The following PARD3 variants were observed in gnomAD, a reference collection of about 807,000 sequenced individuals.
PARD3 encodes par-3 family cell polarity regulator.
PARD3 carries 75 observed loss-of-function variants against 155.4 expected under a neutral mutation model. The observed-to-expected ratio is 0.48, with a 90% CI of 0.40 to 0.58. PARD3 has a LOEUF of 0.58. Ranked by LOEUF, PARD3 falls within the 20% of genes least tolerant of loss-of-function variation. The probability of loss-of-function intolerance (pLI) is 0.00; values close to 1 mark genes in which losing one functional copy is unlikely to be tolerated. For synonymous variants in PARD3, 576 were observed against 610.5 expected (o/e 0.94, Z 0.83); for missense variants, 1,642 against 1,721.7 (o/e 0.95, Z 0.82).
intron 2 of PARD3, among the ~76,000 whole-genome samples, chr10:34,600,946 C>A (rs903641198): frequency 6.6e-6 from 1 of 150,396 alleles, no homozygotes; most frequent in East Asian, 2.0e-4. Context: ...TGCCACCATG[C>A]CCGCCCATTT....
chr10:34,162,382 AAATT>A (rs1165074195), intron 22 of PARD3, among the ~76,000 whole-genome samples: 1 of 152,140 alleles, frequency 6.6e-6, no homozygotes, highest in Admixed American at 6.5e-5. Context: ...TTTGTTTAAT[AAATT>A]CTATTCCACT....
intron 22 of PARD3, among the ~76,000 whole-genome samples, chr10:34,163,758 T>C (rs1244793483): frequency 6.6e-6 from 1 of 152,212 alleles, no homozygotes; most frequent in Non-Finnish European, 1.5e-5. Flanking sequence ...TGTGATCTGC[T>C]CACGCACCGT....
At chr10:34,385,580 T>A (rs1842273139) in intron 7 of PARD3, among the ~76,000 whole-genome samples, 1 of 152,230 alleles carries the variant, frequency 6.6e-6, no homozygotes, top group African/African-American at 2.4e-5. Flanking sequence ...GAATCCAGTA[T>A]AAATTAAAAT....
intron 5 of PARD3, among the ~76,000 whole-genome samples, chr10:34,431,411 G>A (rs993198270): frequency 6.6e-6 from 1 of 152,132 alleles, no homozygotes; most frequent in Non-Finnish European, 1.5e-5. Context: ...GGTAGGAGAT[G>A]ATGCCTAAAA....
At chr10:34,695,537 C>G (rs1192069390) in intron 2 of PARD3, among the ~76,000 whole-genome samples, 2 of 151,196 alleles carry the variant, frequency 1.3e-5, no homozygotes, top group Non-Finnish European at 2.9e-5. Context: ...CATCCTGTCA[C>G]GCATTCTCAA....
intron 19 of PARD3, among the ~76,000 whole-genome samples, chr10:34,319,324 T>A (rs149090718): frequency 6.6e-6 from 1 of 151,372 alleles, no homozygotes; most frequent in Non-Finnish European, 1.5e-5. Context: ...CTTGACCTCA[T>A]GATCCACCAG....
At chr10:34,507,180 G>A (rs186981750) in intron 3 of PARD3, among the ~76,000 whole-genome samples, 9 of 152,234 alleles carry the variant, frequency 5.9e-5, no homozygotes, top group South Asian at 4.1e-4. Context: ...CCAAAACTAC[G>A]GGAGAATATG....
At chr10:34,469,998 A>G (rs1006689177) in intron 4 of PARD3, 87 bp downstream of exon 4, 4 of 1,100,810 alleles carry the variant, frequency 3.6e-6, no homozygotes, top group Middle Eastern at 3.1e-4. Context: ...CTGGAATCCA[A>G]TGGTTTACCC....
intron 22 of PARD3, among the ~76,000 whole-genome samples, chr10:34,196,252 T>G (rs927860183): frequency 5.9e-5 from 9 of 152,218 alleles, no homozygotes; most frequent in Non-Finnish European, 1.3e-4. Context: ...ACATCTCCAC[T>G]TTGTGACATA....
chr10:34,171,988 AG>A (rs1389714654), intron 22 of PARD3, among the ~76,000 whole-genome samples: 2 of 144,520 alleles, frequency 1.4e-5, no homozygotes, highest in Non-Finnish European at 3.0e-5. Flanking sequence ...AAAAAAATTC[AG>A]AGTCCTCAAC....
chr10:34,664,408 G>A (rs953434071), intron 2 of PARD3, among the ~76,000 whole-genome samples: 4 of 152,030 alleles, frequency 2.6e-5, no homozygotes, highest in Non-Finnish European at 5.9e-5. Context: ...TCACCATGTT[G>A]GTCAGGCTGG....
intron 11 of PARD3, among the ~76,000 whole-genome samples, chr10:34,373,007 T>A (rs1840848855): frequency 6.6e-6 from 1 of 151,980 alleles, no homozygotes; most frequent in Non-Finnish European, 1.5e-5. Context: ...TTTCCTATAA[T>A]GTTGATTTGC....
intron 3 of PARD3, among the ~76,000 whole-genome samples, chr10:34,482,532 G>A (rs1057301751): frequency 6.6e-6 from 1 of 151,038 alleles, no homozygotes; most frequent in Middle Eastern, 3.4e-3. Context: ...GACTGGCTCA[G>A]GACAGGTAAA....
At chr10:34,524,298 G>A (rs544583594) in intron 2 of PARD3, among the ~76,000 whole-genome samples, 3 of 152,112 alleles carry the variant, frequency 2.0e-5, no homozygotes, top group Admixed American at 6.5e-5. Context: ...AGACCTGTCC[G>A]ACAAGAGCTA....
chr10:34,721,811 C>T (rs1050986937), intron 1 of PARD3, among the ~76,000 whole-genome samples: 1 of 152,178 alleles, frequency 6.6e-6, no homozygotes. Flanking sequence ...TGGGGTTACA[C>T]CAATACCTTC....
chr10:34,116,079 G>A (rs191154143), intron 24 of PARD3, among the ~76,000 whole-genome samples: 210 of 152,312 alleles, frequency 1.4e-3, no homozygotes, highest in Middle Eastern at 0.014. Flanking sequence ...TTCTGATTGA[G>A]AACTGAGTGT....
At chr10:34,214,402 A>G (rs1951901484) in intron 22 of PARD3, among the ~76,000 whole-genome samples, 1 of 152,192 alleles carries the variant, frequency 6.6e-6, no homozygotes, top group African/African-American at 2.4e-5. Context: ...ATGACAAGCT[A>G]AACTGACCAC....
chr10:34,146,589 T>C (rs1948516661), intron 22 of PARD3, among the ~76,000 whole-genome samples: 1 of 152,252 alleles, frequency 6.6e-6, no homozygotes. Flanking sequence ...TGACATGTGA[T>C]GAAAATCACA....
intron 22 of PARD3, among the ~76,000 whole-genome samples, chr10:34,180,055 G>T (rs1413435098): frequency 2.0e-5 from 3 of 148,074 alleles, no homozygotes; most frequent in Non-Finnish European, 4.5e-5. Context: ...AAGCATTTTT[G>T]TTTTTTTTTT....
Sources: allele counts gnomAD v4.1 joint callset (sites outside exome capture counted in the v4.1 genomes callset), GRCh38; gene constraint gnomAD v4.1.1; transcripts MANE v1.5; gene names NCBI Gene and HGNC (gene_info 2026-07-23, HGNC 2026-07-21).